The following SLC39A11 variants were observed in gnomAD, a reference collection of about 807,000 sequenced individuals.
SLC39A11 encodes the protein zinc transporter ZIP11.
In SLC39A11, 33 loss-of-function variants were observed where a neutral mutation model predicts 36.1. The observed-to-expected ratio is 0.91, with a 90% CI of 0.69 to 1.22. The LOEUF is 1.22. SLC39A11 is among the 50% of genes most tolerant of loss of function. SLC39A11 has a pLI of 0.00. For missense variants in SLC39A11, 432 were observed against 430.3 expected (o/e 1.00, Z -0.03); for synonymous variants, 166 against 170.3 (o/e 0.97, Z 0.20).
intron 4 of SLC39A11, among the ~76,000 whole-genome samples, chr17:73,009,181 G>A (rs1248629501): frequency 7.2e-5 from 11 of 151,776 alleles, no homozygotes; most frequent in East Asian, 1.9e-4. Flanking sequence ...GGCTAACACG[G>A]TGAAACCCTG....
At chr17:72,907,446 C>T (rs1009728713) in intron 5 of SLC39A11, among the ~76,000 whole-genome samples, 2 of 152,168 alleles carry the variant, frequency 1.3e-5, no homozygotes, top group Admixed American at 6.5e-5. Context: ...GCCGATATCA[C>T]ACCATGGCAC....
chr17:72,859,113 C>G (rs1305035037), intron 5 of SLC39A11, among the ~76,000 whole-genome samples: 1 of 152,198 alleles, frequency 6.6e-6, no homozygotes, highest in African/African-American at 2.4e-5. Flanking sequence ...CCCCATTCAG[C>G]ATGACAAGCA....
intron 4 of SLC39A11, among the ~76,000 whole-genome samples, chr17:72,987,888 C>G (rs1176878520): frequency 1.3e-5 from 2 of 152,246 alleles, no homozygotes; most frequent in Non-Finnish European, 1.5e-5. Context: ...CGTCCTGAAT[C>G]GTAAAAGAGC....
At chr17:72,705,740 GT>G (rs1361036822) in intron 7 of SLC39A11, among the ~76,000 whole-genome samples, 6 of 152,330 alleles carry the variant, frequency 3.9e-5, no homozygotes, top group African/African-American at 1.2e-4. Context: ...CTCAGTCCAT[GT>G]GGTTCAGCTG....
At chr17:72,856,624 G>A (rs777774765) in intron 5 of SLC39A11, among the ~76,000 whole-genome samples, 8 of 152,038 alleles carry the variant, frequency 5.3e-5, no homozygotes, top group Non-Finnish European at 7.3e-5. Context: ...ATGGAACTAT[G>A]TAGTATGATC....
chr17:72,985,450 T>C (rs977641035), intron 4 of SLC39A11, among the ~76,000 whole-genome samples: 2 of 122,232 alleles, frequency 1.6e-5, no homozygotes, highest in African/African-American at 3.1e-5. Flanking sequence ...TCTCACTCTC[T>C]CACCTAGGCT....
intron 5 of SLC39A11, among the ~76,000 whole-genome samples, chr17:72,901,365 C>T (rs921507487): frequency 5.3e-5 from 8 of 152,128 alleles, no homozygotes; most frequent in African/African-American, 1.9e-4. Context: ...CAATTAGAGG[C>T]GTGGGTTGTG....
At chr17:72,799,215 T>G (rs1194097021) in intron 6 of SLC39A11, among the ~76,000 whole-genome samples, 1 of 152,206 alleles carries the variant, frequency 6.6e-6, no homozygotes, top group East Asian at 1.9e-4. Flanking sequence ...CTTTTATAAT[T>G]TCTTATGCCT....
At position 72,808,805 on chromosome 17, in the gene SLC39A11, G is replaced by A. The variant is rs183266776; in HGVS notation, c.601+40829C>T. Among the ~76,000 whole-genome samples, 406 of 151,750 alleles carry A rather than the reference G, an allele frequency of 2.7e-3. 5 individuals are homozygous for A. Among genetic ancestry groups the A allele is most frequent in the South Asian group, 0.016 (77 of 4,768 alleles). ...TGTCCTGTGGCTCCCACCCAGAGTC[G>A]GACTCAGCACATGAGGACTCTTCCA... On this transcript the variant is annotated intron_variant, in intron 6 of 9. Coordinates refer to ENST00000255559, the MANE Select transcript of SLC39A11 (RefSeq NM_139177.4).
intron 4 of SLC39A11, among the ~76,000 whole-genome samples, chr17:72,976,889 A>T (rs575503425): frequency 6.6e-6 from 1 of 152,262 alleles, no homozygotes; most frequent in South Asian, 2.1e-4. Context: ...TGTCTCTGTT[A>T]GGTCTCAGGA....
chr17:72,849,573 T>TCG, intron 6 of SLC39A11, 61 bp downstream of exon 6: 1 of 1,398,188 alleles, frequency 7.2e-7, no homozygotes. Context: ...GCCAGACAAC[T>TCG]GTGCTGACAA....
chr17:73,067,847 A>C (rs1283953958), intron 3 of SLC39A11: 1 of 1,588,096 alleles, frequency 6.3e-7, no homozygotes, highest in Non-Finnish European at 8.6e-7. Context: ...TTAATGTAGC[A>C]AGTTGATTTT....
intron 7 of SLC39A11, among the ~76,000 whole-genome samples, chr17:72,718,911 T>C (rs1292845069): frequency 6.6e-6 from 1 of 152,050 alleles, no homozygotes; most frequent in Non-Finnish European, 1.5e-5. Flanking sequence ...ATTACAGGCA[T>C]GAGCCACCAT....
chr17:72,787,552 G>A (rs189313534), intron 6 of SLC39A11, among the ~76,000 whole-genome samples: 30 of 152,008 alleles, frequency 2.0e-4, no homozygotes, highest in Middle Eastern at 6.8e-3. Context: ...CCACCCGCCC[G>A]GCCAACCCAT....
intron 5 of SLC39A11, among the ~76,000 whole-genome samples, chr17:72,890,756 G>GA (rs2081697244): frequency 6.6e-6 from 1 of 152,126 alleles, no homozygotes; most frequent in Non-Finnish European, 1.5e-5. Flanking sequence ...AGAACTGTGA[G>GA]TCTGGGTGAG....
intron 4 of SLC39A11, among the ~76,000 whole-genome samples, chr17:72,951,220 C>G (rs1443290143): frequency 6.9e-6 from 1 of 145,726 alleles, no homozygotes; most frequent in Non-Finnish European, 1.5e-5. Context: ...CAAGATCACA[C>G]TACTGCACTC....
chr17:72,911,283 G>A (rs928033461), intron 5 of SLC39A11, among the ~76,000 whole-genome samples: 1 of 152,008 alleles, frequency 6.6e-6, no homozygotes, highest in Non-Finnish European at 1.5e-5. Flanking sequence ...GAGGAAGGGG[G>A]GAAGGATAGC....
intron 3 of SLC39A11, among the ~76,000 whole-genome samples, chr17:73,038,031 T>C (rs1313536282): frequency 6.6e-6 from 1 of 152,180 alleles, no homozygotes; most frequent in Admixed American, 6.5e-5. Flanking sequence ...ATGACCAGCC[T>C]GGCCAACATG....
At chr17:73,060,652 G>A (rs972683654) in intron 3 of SLC39A11, among the ~76,000 whole-genome samples, 1 of 151,480 alleles carries the variant, frequency 6.6e-6, no homozygotes, top group African/African-American at 2.4e-5. Context: ...TTGTAAAGGG[G>A]AGATATTATA....
Sources: allele counts gnomAD v4.1 joint callset (sites outside exome capture counted in the v4.1 genomes callset), GRCh38; gene constraint gnomAD v4.1.1; transcripts MANE v1.5; gene names NCBI Gene and HGNC (gene_info 2026-07-23, HGNC 2026-07-21).